RHBDL3: variants seen among roughly 807,000 people sequenced by gnomAD.
RHBDL3 encodes the protein rhomboid like 3.
RHBDL3 carries 28 observed loss-of-function variants against 48.2 expected under a neutral mutation model. That is an observed-to-expected ratio of 0.58 (90% confidence interval 0.43 to 0.80). The LOEUF (loss-of-function observed/expected upper bound fraction) is 0.80, where lower values mean the gene tolerates loss of function less well. Ranked by LOEUF, RHBDL3 falls within the 30% of genes least tolerant of loss-of-function variation. RHBDL3 has a pLI of 0.00. For synonymous variants in RHBDL3, 208 were observed against 232.3 expected, an observed-to-expected ratio of 0.90 and a Z score of 0.95; for missense variants, 464 against 542.7, an observed-to-expected ratio of 0.85 and a Z score of 1.44.
chr17:32,270,148 A>G (rs2039739080), intron 2 of RHBDL3, among the ~76,000 whole-genome samples: 1 of 151,464 alleles, frequency 6.6e-6, no homozygotes, highest in South Asian at 2.1e-4. Flanking sequence ...AAAAAAAAAA[A>G]AAAAAAAAAG....
intron 2 of RHBDL3, among the ~76,000 whole-genome samples, chr17:32,270,132 C>CAAAAAAA (rs66986205): frequency 7.3e-5 from 5 of 68,096 alleles, no homozygotes; most frequent in Admixed American, 1.6e-4. Context: ...GACCCTTTCT[C>CAAAAAAA]AAAAAAAAAA....
At chr17:32,289,216 T>A (rs1449645401) in intron 4 of RHBDL3, among the ~76,000 whole-genome samples, 200 bp downstream of exon 4, 2 of 152,198 alleles carry the variant, frequency 1.3e-5, no homozygotes, top group African/African-American at 4.8e-5. Flanking sequence ...AACCGTGGAC[T>A]GCAAAGAGAT....
At chr17:32,288,167 A>G (rs563613900) in intron 3 of RHBDL3, 43 of 152,502 alleles carry the variant, frequency 2.8e-4, no homozygotes, top group African/African-American at 1.0e-3. Flanking sequence ...TTCCCAAGCT[A>G]GCGTGTCTGA....
In RHBDL3 at chr17:32,283,797, C is replaced by T. The variant is rs765235815; in HGVS notation, c.136-862C>T. ...TGTGATACCGACCCGCGAGGCGCCG[C>T]GGTCCAAGGAGGAGGCAAAAGCAGA... On this transcript the variant is annotated intron_variant, in intron 2 of 8. Coordinates refer to ENST00000269051, the MANE Select transcript of RHBDL3 (RefSeq NM_138328.3). Among the ~76,000 whole-genome samples the T allele has an allele frequency of 3.3e-5, 5 of 152,154 alleles. No homozygotes were observed. In the East Asian group the frequency reaches 7.7e-4, roughly 23 times the overall value.
intron 8 of RHBDL3, among the ~76,000 whole-genome samples, chr17:32,316,839 ATTTTATTTTAT>A (rs1280148435): frequency 2.7e-5 from 4 of 149,008 alleles, no homozygotes; most frequent in East Asian, 4.0e-4. Context: ...TTTATTTTAT[ATTTTATTTTAT>A]TTTTATTTTA....
rs543843696 is a variant in RHBDL3 at position 32,293,773 on chromosome 17, A to C, written c.520-521A>C. On this transcript the variant is annotated intron_variant, in intron 4 of 8. Transcript: ENST00000269051. ...GAGGAAGTGTGGACAAAGAGACCCC[A>C]GGACCATGTTGCGGCCATTTGACAC... Among the ~76,000 whole-genome samples the C allele has an allele frequency of 2.9e-4, 43 of 150,832 alleles. No homozygotes were observed. The South Asian group carries it at 3.6e-3, about 13-fold the overall frequency.
chr17:32,298,363 C>A (rs552083937), intron 6 of RHBDL3, among the ~76,000 whole-genome samples, 159 bp downstream of exon 6: 1 of 152,344 alleles, frequency 6.6e-6, no homozygotes, highest in East Asian at 1.9e-4. Flanking sequence ...ACACCCACCT[C>A]CCTATGAGGC....
At chr17:32,269,521 A>G (rs1323398146) in intron 2 of RHBDL3, among the ~76,000 whole-genome samples, 3 of 152,232 alleles carry the variant, frequency 2.0e-5, no homozygotes, top group Non-Finnish European at 4.4e-5. Flanking sequence ...GTGATCATCC[A>G]CATTAACCAC....
rs1376184241 is a variant in RHBDL3 at position 32,305,457 on chromosome 17, T to C, written c.882+16T>C. The stretch of plus-strand genomic sequence containing the variant: ...CATTGTCATGGTGAGCACCTCCCGT[T>C]CTCAATGTGTCTTTCTGGCCCTGTC... On this transcript the variant is annotated intron_variant, in intron 7 of 8. Transcript: ENST00000269051. The C allele has an allele frequency of 6.6e-7, 1 of 1,512,930 alleles. No individual in the cohort carries two copies. Among genetic ancestry groups the C allele is most frequent in the Non-Finnish European group, 9.2e-7 (1 of 1,087,634 alleles). 93.7% of individuals were successfully genotyped at this position (1,512,930 alleles called of 1,614,324 possible).
At chr17:32,316,142 C>G in intron 7 of RHBDL3, 90 bp from the exon 8 acceptor site, 1 of 904,786 alleles carries the variant, frequency 1.1e-6, no homozygotes, top group South Asian at 1.4e-5. Flanking sequence ...TCACGGAGAT[C>G]CTTATTTTAA....
chr17:32,304,892 A>T (rs1173652409), intron 6 of RHBDL3, among the ~76,000 whole-genome samples: 2 of 152,152 alleles, frequency 1.3e-5, no homozygotes, highest in Non-Finnish European at 2.9e-5. Context: ...CTGAGGCAAG[A>T]GGATTGCTTG....
intron 2 of RHBDL3, among the ~76,000 whole-genome samples, chr17:32,274,930 G>C (rs574520752): frequency 1.3e-5 from 2 of 152,136 alleles, no homozygotes; most frequent in South Asian, 4.1e-4. Flanking sequence ...CTTCTGGGTA[G>C]CTCCTGAAAT....
At chr17:32,309,434 C>T (rs1237617877) in intron 7 of RHBDL3, among the ~76,000 whole-genome samples, 15 of 151,962 alleles carry the variant, frequency 9.9e-5, no homozygotes, top group African/African-American at 3.6e-4. Flanking sequence ...TACCTGTAAT[C>T]CCAGCTACTC....
chr17:32,269,637 T>C (rs2039723286), intron 2 of RHBDL3, among the ~76,000 whole-genome samples: 1 of 152,204 alleles, frequency 6.6e-6, no homozygotes, highest in South Asian at 2.1e-4. Context: ...GCTGGCCTGA[T>C]GCCCCAAGGC....
chr17:32,283,384 T>C (rs377440422), intron 2 of RHBDL3, among the ~76,000 whole-genome samples: 112 of 144,138 alleles, frequency 7.8e-4, no homozygotes, highest in African/African-American at 2.4e-3. Flanking sequence ...TGCAGTGGCG[T>C]GATCTCAGCT....
At chr17:32,266,726 C>G (rs947482269) in intron 1 of RHBDL3, among the ~76,000 whole-genome samples, 1 of 152,218 alleles carries the variant, frequency 6.6e-6, no homozygotes, top group African/African-American at 2.4e-5. Context: ...CCATGCAAGC[C>G]GGCCTGGCGA....
chr17:32,292,034 T>C (rs2040343399), intron 4 of RHBDL3, among the ~76,000 whole-genome samples: 2 of 152,156 alleles, frequency 1.3e-5, no homozygotes, highest in Non-Finnish European at 2.9e-5. Flanking sequence ...CCTCCCAAAG[T>C]GCTGGGATTA....
chr17:32,324,254 G>A lies in RHBDL3; in HGVS notation c.*3025G>A, dbSNP rs1480701768. 2.6e-5 allele frequency: 4 copies of A among 152,612 alleles called. No individual in the cohort carries two copies. Among genetic ancestry groups the A allele is most frequent in the Admixed American group, 2.6e-4 (4 of 15,282 alleles). The allele number at this position is 152,612 out of a possible 1,614,324, so 9.5% of individuals were successfully genotyped here. ...ATCATTCGTTTTTTAATTAGGAAAA[G>A]CTCCCTAATGAGGCTCTTTTGCCAG... On this transcript the variant is annotated 3_prime_UTR_variant, in exon 9 of 9. Transcript: ENST00000269051.
intron 7 of RHBDL3, among the ~76,000 whole-genome samples, chr17:32,310,568 G>C (rs1478198132): frequency 2.0e-5 from 3 of 151,814 alleles, no homozygotes; most frequent in African/African-American, 4.8e-5. Context: ...CAAAAATTAG[G>C]TGGGCGTGGT....
Sources: gnomAD v4.1 joint callset for allele counts (sites outside exome capture counted in the v4.1 genomes callset) on GRCh38, gnomAD v4.1.1 for gene constraint, MANE v1.5 for transcripts, NCBI Gene and HGNC (gene_info 2026-07-23, HGNC 2026-07-21) for gene names.